The following DLST variants were observed in gnomAD, a reference collection of about 807,000 sequenced individuals.
DLST encodes the protein dihydrolipoyllysine-residue succinyltransferase component of 2-oxoglutarate dehydrogenase complex, mitochondrial.
A neutral mutation model predicts 53.1 loss-of-function variants in DLST; 17 were observed. The ratio of observed to expected loss-of-function variants is 0.32; its 90% confidence interval spans 0.22 to 0.48. The LOEUF is 0.48. Among genes scored for constraint, DLST ranks in the 20% least tolerant of loss-of-function variants. The pLI is 0.99. For synonymous variants in DLST, 206 were observed against 204.8 expected, an observed-to-expected ratio of 1.01 and a Z score of -0.05; for missense variants, 512 against 583.9, an observed-to-expected ratio of 0.88 and a Z score of 1.27.
At chr14:74,900,149 TTC>T in intron 12 of DLST, 138 bp from the exon 13 acceptor site, 1 of 1,081,878 alleles carries the variant, frequency 9.2e-7, no homozygotes, top group African/African-American at 1.6e-5. Context: ...CCATGCCGCA[TTC>T]TTTTAACACT....
At chr14:74,894,064 CTG>C (rs1038402730) in intron 9 of DLST, among the ~76,000 whole-genome samples, 16 of 152,296 alleles carry the variant, frequency 1.1e-4, no homozygotes, top group African/African-American at 3.9e-4. Context: ...TTTTAAATCA[CTG>C]TTTCTGAGCC....
intron 5 of DLST, 38 bp downstream of exon 5, chr14:74,889,387 T>G: frequency 1.4e-6 from 2 of 1,430,276 alleles, no homozygotes; most frequent in Non-Finnish European, 1.9e-6. Flanking sequence ...TTTTTTTTTT[T>G]GAGACAGAGT....
rs1205741792 is a variant in DLST at position 74,903,619 on chromosome 14, AG to A, written c.*1293del. ...AGGCCTGGGGGTGGGGGAGGGGGGA[AG>A]GGGTGGGAGCCAATACTGAGTGCCT... On this transcript the variant is annotated 3_prime_UTR_variant, in exon 15 of 15. Coordinates refer to ENST00000334220, the MANE Select transcript of DLST (RefSeq NM_001933.5). 1.6e-5 allele frequency: 1 copy of A among 63,128 alleles called. No homozygotes were observed. Among genetic ancestry groups the A allele is most frequent in the Non-Finnish European group, 3.2e-5 (1 of 31,668 alleles). The allele number at this position is 63,128 out of a possible 1,614,324, so 3.9% of individuals were successfully genotyped here.
At chr14:74,900,160 C>A in intron 12 of DLST, 129 bp from the exon 13 acceptor site, 2 of 1,103,386 alleles carry the variant, frequency 1.8e-6, no homozygotes, top group Non-Finnish European at 2.8e-6. Flanking sequence ...TCTTTTAACA[C>A]TTTCTGTTAA....
intron 2 of DLST, 33 bp downstream of exon 2, chr14:74,882,657 TCTC>T (rs1463013962): frequency 5.0e-6 from 8 of 1,610,624 alleles, no homozygotes; most frequent in Admixed American, 1.7e-5. Context: ...CCTAAAATGC[TCTC>T]CTCCTGGGCA....
chr14:74,894,038 A>G (rs1179493356), intron 9 of DLST, among the ~76,000 whole-genome samples: 2 of 152,190 alleles, frequency 1.3e-5, no homozygotes, highest in Non-Finnish European at 2.9e-5. Context: ...ACATTCTTTT[A>G]TAAATGGGTT....
chr14:74,899,406 A>G (rs759949690), intron 11 of DLST, among the ~76,000 whole-genome samples: 6 of 152,082 alleles, frequency 3.9e-5, no homozygotes, highest in Non-Finnish European at 7.4e-5. Flanking sequence ...TGCTAGGTGT[A>G]CATTTTCAGA....
At chr14:74,886,204 C>G (rs968845518) in intron 3 of DLST, among the ~76,000 whole-genome samples, 3 of 152,200 alleles carry the variant, frequency 2.0e-5, no homozygotes, top group African/African-American at 7.2e-5. Context: ...TGTGGTGGTG[C>G]TAAGAGAATG....
chr14:74,896,851 G>A (rs149901512), intron 10 of DLST, among the ~76,000 whole-genome samples: 216 of 152,350 alleles, frequency 1.4e-3, no homozygotes, highest in African/African-American at 4.8e-3. Flanking sequence ...GAAAGGAAGC[G>A]TAATAGCTGG....
intron 10 of DLST, among the ~76,000 whole-genome samples, chr14:74,897,938 G>GT (rs60311929): frequency 0.13 from 18,329 of 136,836 alleles, 1,503 homozygotes; most frequent in African/African-American, 0.24. Flanking sequence ...ATTTGGTGGG[G>GT]TTTTTTTTTT....
rs1191627884 is a variant in DLST at position 74,890,407 on chromosome 14, C to T, written c.330+455C>T. On this transcript the variant is annotated intron_variant, in intron 6 of 14. Coordinates refer to ENST00000334220, the MANE Select transcript of DLST (RefSeq NM_001933.5). ...TGTTGGGATTAGAGGCATGAGCCAC[C>T]GCACCTGACCTGCATTTAACTTTAA... 2.6e-5 allele frequency among the ~76,000 whole-genome samples: 4 copies of T among 152,048 alleles called. No individual in the cohort carries two copies. In the East Asian group the frequency reaches 5.8e-4, roughly 22 times the overall value.
Position 74,903,668 on chromosome 14 carries a change from C to G in DLST, c.*1338C>G, listed in dbSNP as rs1884370846. On this transcript the variant is annotated 3_prime_UTR_variant, in exon 15 of 15. Transcript: ENST00000334220. The stretch of plus-strand genomic sequence containing the variant: ...CCTGCAGCATCTACTACTCTGTCTT[C>G]ACTATTCAGAACTTGTAACTAAAGT... The G allele has an allele frequency of 6.6e-6, 1 of 152,080 alleles. No homozygotes were observed. The highest frequency in any genetic ancestry group is 2.4e-5 in the African/African-American group (1 of 41,408). The allele number at this position is 152,080 out of a possible 1,614,324, so 9.4% of individuals were successfully genotyped here.
chr14:74,894,000 T>C (rs890708488), intron 9 of DLST, among the ~76,000 whole-genome samples: 3 of 152,236 alleles, frequency 2.0e-5, no homozygotes, highest in Admixed American at 2.0e-4. Context: ...TTCTTATGAT[T>C]CTTATGTTGG....
chr14:74,885,843 T>C, intron 3 of DLST: 1 of 533,418 alleles, frequency 1.9e-6, no homozygotes, highest in East Asian at 3.3e-5. Flanking sequence ...GGACTGGGAG[T>C]GTGCCCACTC....
At chr14:74,886,680 A>G (rs1883715693) in intron 3 of DLST, among the ~76,000 whole-genome samples, 1 of 151,934 alleles carries the variant, frequency 6.6e-6, no homozygotes, top group Non-Finnish European at 1.5e-5. Context: ...AGAAATATGA[A>G]TCCCGGTGTT....
intron 3 of DLST, among the ~76,000 whole-genome samples, chr14:74,886,242 C>G (rs1407853022): frequency 1.3e-5 from 2 of 152,210 alleles, no homozygotes; most frequent in Admixed American, 1.3e-4. Flanking sequence ...CAGCAGCTGT[C>G]AGGCTGCTTA....
chr14:74,896,396 G>T (rs1884078817), intron 10 of DLST, among the ~76,000 whole-genome samples: 1 of 152,196 alleles, frequency 6.6e-6, no homozygotes, highest in Admixed American at 6.5e-5. Context: ...ATTTAATTCA[G>T]GAAGCAAGTC....
intron 11 of DLST, 23 bp from the exon 12 acceptor site, chr14:74,899,900 A>C: frequency 6.4e-6 from 10 of 1,568,348 alleles, no homozygotes; most frequent in Non-Finnish European, 7.9e-6. Context: ...AGTTGTATGT[A>C]ACATGTATTT....
chr14:74,882,861 T>G (rs949434867), intron 2 of DLST, among the ~76,000 whole-genome samples: 1 of 152,208 alleles, frequency 6.6e-6, no homozygotes, highest in Non-Finnish European at 1.5e-5. Context: ...TACAGAAGTG[T>G]ACAGTTCTTG....
Sources: allele counts gnomAD v4.1 joint callset (sites outside exome capture counted in the v4.1 genomes callset), GRCh38; gene constraint gnomAD v4.1.1; transcripts MANE v1.5; gene names NCBI Gene and HGNC (gene_info 2026-07-23, HGNC 2026-07-21).